SPECC1: variants seen among roughly 807,000 people sequenced by gnomAD.
SPECC1 encodes the protein cytospin-B.
In SPECC1, 62 loss-of-function variants were observed where a neutral mutation model predicts 104.1. The observed-to-expected ratio is 0.60, with a 90% CI of 0.49 to 0.74. The LOEUF is 0.74. Among genes scored for constraint, SPECC1 ranks in the 30% least tolerant of loss-of-function variants. The pLI is 0.00. For synonymous variants in SPECC1, 513 were observed against 501.6 expected (o/e 1.02, Z -0.30); for missense variants, 1,306 against 1,310.5 (o/e 1.00, Z 0.05).
chr17:20,151,737 A>C (rs1341069693), intron 3 of SPECC1, among the ~76,000 whole-genome samples: 1 of 152,144 alleles, frequency 6.6e-6, no homozygotes, highest in Admixed American at 6.6e-5. Flanking sequence ...AACCTGACTG[A>C]TCCCTGAACT....
intron 9 of SPECC1, among the ~76,000 whole-genome samples, chr17:20,248,994 A>G (rs2039525093): frequency 1.3e-5 from 2 of 152,228 alleles, no homozygotes; most frequent in Non-Finnish European, 2.9e-5. Context: ...GTTTGGATTT[A>G]GATATTCTTC....
At chr17:20,311,995 A>T (rs1376138635) in intron 14 of SPECC1, among the ~76,000 whole-genome samples, 1 of 152,214 alleles carries the variant, frequency 6.6e-6, no homozygotes, top group Non-Finnish European at 1.5e-5. Context: ...TGTTCCTGGG[A>T]TGAACCTCAC....
At chr17:20,133,950 T>C (rs998527943) in intron 3 of SPECC1, among the ~76,000 whole-genome samples, 1 of 152,226 alleles carries the variant, frequency 6.6e-6, no homozygotes, top group African/African-American at 2.4e-5. Context: ...GTGAAGTGTT[T>C]CTTGGGGCCC....
intron 1 of SPECC1, among the ~76,000 whole-genome samples, chr17:20,046,758 C>T (rs2045554447): frequency 6.6e-6 from 1 of 151,788 alleles, no homozygotes; most frequent in Admixed American, 6.6e-5. Context: ...AGGAGGCGGC[C>T]AGAGCCAAGA....
intron 3 of SPECC1, among the ~76,000 whole-genome samples, chr17:20,143,793 C>G (rs1003103358): frequency 6.6e-5 from 10 of 152,138 alleles, no homozygotes; most frequent in African/African-American, 2.4e-4. Flanking sequence ...ATTCAGAGTC[C>G]TTGAGAGGAG....
At chr17:20,172,053 A>T (rs532853586) in intron 3 of SPECC1, among the ~76,000 whole-genome samples, 12 of 152,278 alleles carry the variant, frequency 7.9e-5, no homozygotes, top group African/African-American at 2.9e-4. Flanking sequence ...TTTCCCGCTG[A>T]TGACATTATC....
chr17:20,035,379 T>C (rs890059954), intron 1 of SPECC1, among the ~76,000 whole-genome samples: 2 of 152,136 alleles, frequency 1.3e-5, no homozygotes, highest in African/African-American at 4.8e-5. Context: ...TGGATAAAAT[T>C]GGCATCTTTA....
intron 1 of SPECC1, among the ~76,000 whole-genome samples, chr17:20,058,944 A>G (rs2046076429): frequency 7.0e-6 from 1 of 142,428 alleles, no homozygotes; most frequent in Non-Finnish European, 1.5e-5. Flanking sequence ...GGTTCACACC[A>G]TTCTCCTGCC....
chr17:20,268,608 C>G (rs767797652), intron 12 of SPECC1, among the ~76,000 whole-genome samples: 4 of 152,186 alleles, frequency 2.6e-5, no homozygotes, highest in Non-Finnish European at 5.9e-5. Context: ...ATAGCAGATG[C>G]GCGGCACTGT....
intron 9 of SPECC1, among the ~76,000 whole-genome samples, chr17:20,252,754 C>T (rs1049784335): frequency 6.6e-6 from 1 of 152,126 alleles, no homozygotes; most frequent in Non-Finnish European, 1.5e-5. Context: ...ACATTTTCTT[C>T]GTCCATTCAT....
chr17:20,047,517 C>G (rs2045583813), intron 1 of SPECC1, among the ~76,000 whole-genome samples: 1 of 152,158 alleles, frequency 6.6e-6, no homozygotes, highest in Non-Finnish European at 1.5e-5. Flanking sequence ...GGTGTTATAT[C>G]TTAAATTTTC....
intron 12 of SPECC1, among the ~76,000 whole-genome samples, chr17:20,269,703 G>T (rs2040334785): frequency 6.6e-6 from 1 of 152,210 alleles, no homozygotes. Flanking sequence ...GTGTTGTCAT[G>T]GCTTGTTGCC....
intron 4 of SPECC1, among the ~76,000 whole-genome samples, chr17:20,208,271 A>G (rs532783831): frequency 1.1e-4 from 16 of 152,334 alleles, no homozygotes; most frequent in African/African-American, 3.6e-4. Flanking sequence ...GGGGCATGCT[A>G]TCACATAGGG....
intron 7 of SPECC1, among the ~76,000 whole-genome samples, chr17:20,241,847 GA>G (rs1176136614): frequency 6.6e-6 from 1 of 152,144 alleles, no homozygotes; most frequent in Non-Finnish European, 1.5e-5. Context: ...TAAGTATTTA[GA>G]AAAAATTACA....
chr17:20,222,951 T>A (rs1344681359), intron 4 of SPECC1, among the ~76,000 whole-genome samples: 1 of 152,198 alleles, frequency 6.6e-6, no homozygotes, highest in East Asian at 1.9e-4. Context: ...TGTTTCTTTT[T>A]TCTTGCTGCT....
intron 3 of SPECC1, among the ~76,000 whole-genome samples, chr17:20,194,502 A>ATTATTATTTTTTTT: frequency 4.6e-5 from 4 of 86,566 alleles, no homozygotes; most frequent in African/African-American, 2.1e-4. Flanking sequence ...AAGAGAACGA[A>ATTATTATTTTTTTT]TTTTTTTTTT....
At position 20,009,788 on chromosome 17, in the gene SPECC1, C is replaced by G. The variant is rs999707762; in HGVS notation, c.-22+364C>G. ...ACAGCTGCGGCCCTGGAGGCGACCC[C>G]AGCCCTCGCCGCAGTGGGACAGGTG... On this transcript the variant is annotated intron_variant, in intron 1 of 14. Coordinates refer to ENST00000395527, the MANE Select transcript of SPECC1 (RefSeq NM_001243439.2). The surrounding 1 kb of genome is among the most constrained non-coding windows in gnomAD (Gnocchi z 5.2). 3 of 152,316 alleles carry G rather than the reference C, an allele frequency of 2.0e-5. No homozygotes were observed. Among genetic ancestry groups the G allele is most frequent in the African/African-American group, 7.2e-5 (3 of 41,464 alleles). 9.4% of individuals were successfully genotyped at this position (152,316 alleles called of 1,614,324 possible). A position where few individuals can be genotyped will look rare whatever the true frequency, so the allele number is the denominator to read the frequency against.
At chr17:20,052,046 A>T (rs905346016) in intron 1 of SPECC1, among the ~76,000 whole-genome samples, 1 of 152,198 alleles carries the variant, frequency 6.6e-6, no homozygotes, top group Admixed American at 6.5e-5. Flanking sequence ...CAACAAAAAA[A>T]CCCTAGAAGA....
chr17:20,087,147 A>G (rs1377077482), intron 1 of SPECC1: 1 of 152,226 alleles, frequency 6.6e-6, no homozygotes, highest in African/African-American at 2.4e-5. Flanking sequence ...AAATTCATTT[A>G]TTATGTTTCT....
Sources: allele counts gnomAD v4.1 joint callset (sites outside exome capture counted in the v4.1 genomes callset), GRCh38; gene constraint gnomAD v4.1.1; non-coding constraint Gnocchi (gnomAD v3.1); transcripts MANE v1.5; gene names NCBI Gene and HGNC (gene_info 2026-07-23, HGNC 2026-07-21).